Variants in AFF3 observed in about 807,000 individuals in gnomAD.
The protein encoded by AFF3 is AF4/FMR2 family member 3.
In AFF3, 32 loss-of-function variants were observed where a neutral mutation model predicts 129.7. The ratio of observed to expected loss-of-function variants is 0.25; its 90% CI spans 0.19 to 0.33. The LOEUF (loss-of-function observed/expected upper bound fraction) is 0.33. Among genes scored for constraint, AFF3 ranks in the 10% least tolerant of loss-of-function variants. The probability of loss-of-function intolerance (pLI) is 1.00; values close to 1 mark genes in which losing one functional copy is unlikely to be tolerated. For synonymous variants in AFF3, 644 were observed against 635.4 expected (o/e 1.01, Z -0.20); for missense variants, 1,373 against 1,592.0 (o/e 0.86, Z 2.34).
intron 7 of AFF3, among the ~76,000 whole-genome samples, chr2:99,880,840 T>G (rs965071182): frequency 1.3e-5 from 2 of 151,994 alleles, no homozygotes; most frequent in African/African-American, 4.8e-5. Flanking sequence ...GGACGAGCAG[T>G]TGGAGGAGGC....
At chr2:100,007,083 T>G (rs1222717522) in intron 6 of AFF3, 65 bp downstream of exon 6, 4 of 1,588,174 alleles carry the variant, frequency 2.5e-6, no homozygotes, top group East Asian at 2.2e-5. Flanking sequence ...GATTTTCTTT[T>G]TTCATTATAG....
intron 4 of AFF3, among the ~76,000 whole-genome samples, chr2:100,086,572 T>C (rs964721093): frequency 3.9e-5 from 6 of 152,150 alleles, no homozygotes; most frequent in African/African-American, 1.4e-4. Context: ...GAGAACCTAA[T>C]GGTGAGAAGA....
chr2:99,778,099 A>G (rs1684086828), intron 8 of AFF3, among the ~76,000 whole-genome samples: 1 of 152,048 alleles, frequency 6.6e-6, no homozygotes, highest in Non-Finnish European at 1.5e-5. Context: ...CAGGCCTGAG[A>G]GCCAGAAGGC....
intron 13 of AFF3, among the ~76,000 whole-genome samples, chr2:99,632,376 G>C (rs1250778177): frequency 1.3e-5 from 2 of 152,112 alleles, no homozygotes; most frequent in Admixed American, 6.5e-5. Flanking sequence ...GGGGTACTGA[G>C]TTTCAGTTTG....
At chr2:99,804,152 C>A (rs1358561577) in intron 8 of AFF3, among the ~76,000 whole-genome samples, 1 of 152,190 alleles carries the variant, frequency 6.6e-6, no homozygotes, top group African/African-American at 2.4e-5. Context: ...AAACAGACAA[C>A]CCACAGAATG....
At position 100,108,941 on chromosome 2, in the gene AFF3, A is replaced by T. The variant is rs375916131; in HGVS notation, c.-144-3358T>A. Reference sequence around the variant, plus strand: ...TTTTTTTTTTTTTTTTTTTTAACAAAACCAGGTTTTTCCCTAAGGAATGCA... The same window carrying T: ...TTTTTTTTTTTTTTTTTTTTAACAATACCAGGTTTTTCCCTAAGGAATGCA... On this transcript the variant is annotated intron_variant, in intron 2 of 24. Transcript: ENST00000672756. Among the ~76,000 whole-genome samples, 378 of 140,834 alleles carry T rather than the reference A, an allele frequency of 2.7e-3. 6 individuals are homozygous for T. Among genetic ancestry groups the T allele is most frequent in the African/African-American group, 9.4e-3 (353 of 37,424 alleles). The allele number at this position is 140,834 out of a possible 152,430, so 92.4% of individuals were successfully genotyped here.
intron 8 of AFF3, among the ~76,000 whole-genome samples, chr2:99,756,696 C>T (rs1316441617): frequency 6.6e-6 from 1 of 152,202 alleles, no homozygotes; most frequent in African/African-American, 2.4e-5. Flanking sequence ...CCTCCTCCAG[C>T]TGATCTTCAT....
chr2:99,935,852 A>T (rs1674475752), intron 7 of AFF3, among the ~76,000 whole-genome samples: 1 of 152,300 alleles, frequency 6.6e-6, no homozygotes, highest in South Asian at 2.1e-4. Flanking sequence ...AGGAGCTAGG[A>T]GAGTAAGACA....
At chr2:99,904,652 G>A (rs1279865507) in intron 7 of AFF3, among the ~76,000 whole-genome samples, 1 of 152,100 alleles carries the variant, frequency 6.6e-6, no homozygotes, top group East Asian at 1.9e-4. Context: ...ACTATTGAAA[G>A]CTTGTGTGTT....
rs763611422 is a variant in AFF3 at position 99,593,528 on chromosome 2, G to A, written c.2133C>T (p.Ala711=). The A allele has an allele frequency of 2.9e-5, 46 of 1,613,180 alleles. No homozygotes were observed. Among genetic ancestry groups the A allele is most frequent in the Non-Finnish European group, 3.8e-5 (45 of 1,179,756 alleles). ...TAGGACCACTGCCCCCGTTGGCAGC[G>A]GCCTCCTTCAGCCTCTGATCATTCC... The part of the protein sequence containing the change: ...SSGNDQRLKE[A]AANGGSGPRA... Residue 711 remains alanine, a synonymous_variant, in exon 15 of 25, where the codon GCC becomes GCT. Transcript: ENST00000672756.
chr2:99,584,347 A>G (rs2104853974), intron 16 of AFF3, among the ~76,000 whole-genome samples: 1 of 152,256 alleles, frequency 6.6e-6, no homozygotes, highest in South Asian at 2.1e-4. Flanking sequence ...GCATGCCTGT[A>G]ATCCCAGCTA....
chr2:99,619,086 CAA>C (rs1311250349), intron 13 of AFF3, among the ~76,000 whole-genome samples: 1 of 152,192 alleles, frequency 6.6e-6, no homozygotes, highest in African/African-American at 2.4e-5. Context: ...AGGAAGCTCC[CAA>C]GAGAGACTGC....
intron 8 of AFF3, among the ~76,000 whole-genome samples, chr2:99,780,439 A>G (rs1030631480): frequency 6.6e-6 from 1 of 152,166 alleles, no homozygotes; most frequent in Non-Finnish European, 1.5e-5. Context: ...TGTGCAACCC[A>G]GGGTTTGGCT....
At chr2:99,961,809 G>A (rs923140716) in intron 7 of AFF3, among the ~76,000 whole-genome samples, 1 of 152,192 alleles carries the variant, frequency 6.6e-6, no homozygotes, top group African/African-American at 2.4e-5. Flanking sequence ...AGCAACAGAA[G>A]GCAGTCCCGG....
intron 4 of AFF3, among the ~76,000 whole-genome samples, chr2:100,052,141 T>C (rs1686386938): frequency 6.6e-6 from 1 of 152,230 alleles, no homozygotes; most frequent in Non-Finnish European, 1.5e-5. Context: ...GCTGCTTTCA[T>C]GTTCATTTTG....
intron 4 of AFF3, among the ~76,000 whole-genome samples, chr2:100,088,824 T>C (rs1689645825): frequency 6.6e-6 from 1 of 152,194 alleles, no homozygotes; most frequent in South Asian, 2.1e-4. Context: ...TCATTTATAT[T>C]TTTACTTTGG....
intron 8 of AFF3, among the ~76,000 whole-genome samples, chr2:99,780,005 A>C (rs975714837): frequency 3.9e-5 from 6 of 152,206 alleles, no homozygotes; most frequent in Non-Finnish European, 5.9e-5. Context: ...CTCATTCAAA[A>C]CTAGAATCCC....
At chr2:99,695,185 A>G (rs1050873557) in intron 11 of AFF3, among the ~76,000 whole-genome samples, 4 of 152,174 alleles carry the variant, frequency 2.6e-5, no homozygotes, top group African/African-American at 9.7e-5. Context: ...TTTCATACTT[A>G]AGCCTACCTC....
intron 18 of AFF3, among the ~76,000 whole-genome samples, chr2:99,572,815 A>G: frequency 6.6e-6 from 1 of 152,244 alleles, no homozygotes; most frequent in East Asian, 1.9e-4. Flanking sequence ...CCACTCCAGG[A>G]TGCTGGCACT....
Sources: allele counts gnomAD v4.1 joint callset (sites outside exome capture counted in the v4.1 genomes callset), GRCh38; gene constraint gnomAD v4.1.1; transcripts MANE v1.5; gene names NCBI Gene and HGNC (gene_info 2026-07-23, HGNC 2026-07-21).